The following ACOT7 variants were observed in gnomAD, a reference collection of about 807,000 sequenced individuals.
ACOT7 encodes the protein acyl-CoA thioesterase 7, also known as cytosolic acyl coenzyme A thioester hydrolase.
Under a neutral mutation model 40.2 loss-of-function variants are expected in ACOT7, and 12 were observed. That is an observed-to-expected ratio of 0.30 (90% CI 0.19 to 0.48). ACOT7 has a LOEUF of 0.48. Among genes scored for constraint, ACOT7 ranks in the 20% least tolerant of loss-of-function variants. The pLI is 0.99. For synonymous variants in ACOT7, 228 were observed against 219.5 expected (o/e 1.04, Z -0.34); for missense variants, 395 against 530.8 (o/e 0.74, Z 2.51).
At chr1:6,387,450 C>T (rs140757887) in intron 1 of ACOT7, among the ~76,000 whole-genome samples, 75 of 152,292 alleles carry the variant, frequency 4.9e-4, no homozygotes, top group African/African-American at 1.6e-3. Context: ...TGTTGACTCT[C>T]TGCTGAAGTA....
Position 6,343,543 on chromosome 1 carries a change from G to C in ACOT7, c.262-3954C>G, listed in dbSNP as rs1212780042. On this transcript the variant is annotated intron_variant, in intron 2 of 8. Coordinates refer to ENST00000361521, the MANE Select transcript of ACOT7 (RefSeq NM_007274.4). The stretch of plus-strand genomic sequence containing the variant: ...AGCAAACCCTGCCCTACTCACAACA[G>C]GTCACAGTAAAGCGATGCCTGGAAC... 2.0e-5 allele frequency among the ~76,000 whole-genome samples: 3 copies of C among 152,274 alleles called. No homozygotes were observed. The East Asian group carries it at 5.8e-4, about 29-fold the overall frequency.
rs1381115785 is a variant in ACOT7, at chr1:6,282,756, G to C, written c.830-1470C>G. 7.7e-7 allele frequency: 1 copy of C among 1,304,294 alleles called. No individual in the cohort carries two copies. Among genetic ancestry groups the C allele is most frequent in the Admixed American group, 2.3e-5 (1 of 43,580 alleles). 80.8% of individuals were successfully genotyped at this position (1,304,294 alleles called of 1,614,324 possible). A position where few individuals can be genotyped will look rare whatever the true frequency, so the allele number is the denominator to read the frequency against. Reference sequence around the variant, plus strand: ...ACTTCGTGCCAGTGCTGGGAGAGGAGGAAGGAGCTGTGTGGTCAGCGCCAG... The same window carrying C: ...ACTTCGTGCCAGTGCTGGGAGAGGACGAAGGAGCTGTGTGGTCAGCGCCAG... On this transcript the variant is annotated intron_variant, in intron 7 of 8. Coordinates refer to ENST00000361521, the MANE Select transcript of ACOT7 (RefSeq NM_007274.4). The surrounding 1 kb of genome is among the most constrained non-coding windows in gnomAD (Gnocchi z 4.5).
At chr1:6,280,125 A>G (rs1248236054) in intron 8 of ACOT7, among the ~76,000 whole-genome samples, 1 of 152,184 alleles carries the variant, frequency 6.6e-6, no homozygotes, top group East Asian at 1.9e-4. Flanking sequence ...CTGCCTGGCC[A>G]CTTCCATGAG....
chr1:6,322,232 C>T (rs1453865406), intron 5 of ACOT7, among the ~76,000 whole-genome samples: 1 of 110,108 alleles, frequency 9.1e-6, no homozygotes, highest in East Asian at 3.2e-4. Context: ...CCTCTTGACG[C>T]ATATTCAGGA....
chr1:6,319,287 G>A (rs1352773872), intron 5 of ACOT7, among the ~76,000 whole-genome samples: 1 of 152,162 alleles, frequency 6.6e-6, no homozygotes, highest in African/African-American at 2.4e-5. Context: ...CCGCCTCCTG[G>A]GTCCAAGCAA....
intron 1 of ACOT7, chr1:6,360,770 C>T (rs1641872558): frequency 1.3e-6 from 2 of 1,533,532 alleles, no homozygotes; most frequent in South Asian, 2.4e-5. Flanking sequence ...TCCAGGCGGG[C>T]ATTGCTGCCT....
chr1:6,348,352 G>GCACA (rs1000322091), intron 2 of ACOT7, among the ~76,000 whole-genome samples: 1 of 148,720 alleles, frequency 6.7e-6, no homozygotes, highest in Non-Finnish European at 1.5e-5. Flanking sequence ...ACACACACAC[G>GCACA]CACACACACA....
chr1:6,339,587 C>A lies in ACOT7; in HGVS notation c.264G>T (p.Glu88Asp). The stretch of plus-strand genomic sequence containing the variant: ...CACGAGCCAGGGCGGCCACACAGCG[C>A]TCCTGTGGAGACAGAGGCAGTTGTC... ...STRHCNSQNG[E>D]RCVAALARVE... Residue 88 changes from glutamate (E) to aspartate (D), a missense_variant and splice_region_variant, in exon 3 of 9, where the codon GAG (glutamate) becomes GAT (aspartate). Glu to Asp is a conservative substitution (Grantham distance 45). Around this residue, in one of 2 missense-constraint regions of ACOT7, gnomAD observed 309 missense variants for 470.3 expected, o/e 0.66. Transcript: ENST00000361521. The A allele has an allele frequency of 1.9e-6, 3 of 1,612,742 alleles. No homozygotes were observed. Among genetic ancestry groups the A allele is most frequent in the Non-Finnish European group, 2.5e-6 (3 of 1,179,470 alleles).
chr1:6,276,635 A>T (rs1188093812), intron 8 of ACOT7, among the ~76,000 whole-genome samples: 1 of 152,068 alleles, frequency 6.6e-6, no homozygotes, highest in African/African-American at 2.4e-5. Flanking sequence ...GCCAGGGCAC[A>T]TCTGGAGGGA....
rs1235809351 is a variant in ACOT7, at chr1:6,330,410, TA to T, written c.511-2998del. On this transcript the variant is annotated intron_variant, in intron 4 of 8. Transcript: ENST00000361521. The surrounding 1 kb of genome is among the most constrained non-coding windows in gnomAD (Gnocchi z 4.6). ...GTGGGAGGTTTATACTACGTGGGCC[TA>T]GCGTGTGTTGGGGGGAAGATGGTGC... Among the ~76,000 whole-genome samples, 3 of 152,178 alleles carry T rather than the reference TA, an allele frequency of 2.0e-5. No homozygotes were observed. The highest frequency in any genetic ancestry group is 4.4e-5 in the Non-Finnish European group (3 of 68,034).
chr1:6,306,823 C>T lies in ACOT7; in HGVS notation c.712+11669G>A, dbSNP rs547948463. 29 of 1,288,940 alleles carry T rather than the reference C, an allele frequency of 2.2e-5. No individual in the cohort carries two copies. The highest frequency in any genetic ancestry group is 5.5e-5 in the East Asian group (1 of 18,034). The allele number at this position is 1,288,940 out of a possible 1,614,324, so 79.8% of individuals were successfully genotyped here. On this transcript the variant is annotated intron_variant, in intron 6 of 8. Coordinates refer to ENST00000361521, the MANE Select transcript of ACOT7 (RefSeq NM_007274.4). The surrounding 1 kb of genome is among the most constrained non-coding windows in gnomAD (Gnocchi z 4.3). ...TGGGGGCTCCGGCCAAACAAGGTCA[C>T]GGAATTGGAAAAGAGTAACTGTGCC...
At chr1:6,364,965 G>A (rs1035314456) in intron 1 of ACOT7, among the ~76,000 whole-genome samples, 1 of 151,854 alleles carries the variant, frequency 6.6e-6, no homozygotes, top group Non-Finnish European at 1.5e-5. Flanking sequence ...AGAGGTTGCA[G>A]TGAGCTGAGA....
In ACOT7 at chr1:6,376,588, G is replaced by T. The variant is rs566998771; in HGVS notation, c.143+16669C>A. Among the ~76,000 whole-genome samples, 29 of 152,090 alleles carry T rather than the reference G, an allele frequency of 1.9e-4. No individual in the cohort carries two copies. The South Asian group carries it at 2.7e-3, about 14-fold the overall frequency. Reference sequence around the variant, plus strand: ...CAAAAAATACAAAAATTAGCATGGCGTGGTGCCATGTGCCTATAATCCCAG... The same window carrying T: ...CAAAAAATACAAAAATTAGCATGGCTTGGTGCCATGTGCCTATAATCCCAG... On this transcript the variant is annotated intron_variant, in intron 1 of 8. Transcript: ENST00000361521.
intron 4 of ACOT7, among the ~76,000 whole-genome samples, chr1:6,332,140 AC>A (rs1353599871): frequency 3.3e-5 from 5 of 152,244 alleles, no homozygotes; most frequent in Non-Finnish European, 7.3e-5. Flanking sequence ...CCAATTCCTG[AC>A]AATCTGGTTC....
In ACOT7 at chr1:6,293,015, G is replaced by A. The variant is rs368939646; in HGVS notation, c.829+1849C>T. Among the ~76,000 whole-genome samples, 100 of 148,336 alleles carry A rather than the reference G, an allele frequency of 6.7e-4. 1 individual carries two copies. The highest frequency in any genetic ancestry group is 1.1e-3 in the African/African-American group (44 of 39,962). On this transcript the variant is annotated intron_variant, in intron 7 of 8. Coordinates refer to ENST00000361521, the MANE Select transcript of ACOT7 (RefSeq NM_007274.4). The stretch of plus-strand genomic sequence containing the variant: ...CGCCATTCTCCTACCTCAGCCTCCC[G>A]AGTAGCTGGGACTACAGGCACCCGC...
At chr1:6,340,006 C>T (rs1334916477) in intron 2 of ACOT7, among the ~76,000 whole-genome samples, 2 of 150,734 alleles carry the variant, frequency 1.3e-5, no homozygotes, top group Non-Finnish European at 2.9e-5. Flanking sequence ...CGCTCTGTCA[C>T]CCAGGCTGGA....
In ACOT7 at chr1:6,294,733, C is replaced by A; in HGVS notation, c.829+131G>T. On this transcript the variant is annotated intron_variant, in intron 7 of 8. Transcript: ENST00000361521. The surrounding 1 kb of genome is among the most constrained non-coding windows in gnomAD (Gnocchi z 4.6). ...GGACAAAGAAAGAAACCTCAGCTTCCTGTTCCCTGTGGCAGATGGGCACAC... is the reference window on the plus strand; with the variant it reads ...GGACAAAGAAAGAAACCTCAGCTTCATGTTCCCTGTGGCAGATGGGCACAC... 1.5e-6 allele frequency: 1 copy of A among 675,748 alleles called. No homozygotes were observed. The highest frequency in any genetic ancestry group is 2.6e-5 in the East Asian group (1 of 39,166). The allele number at this position is 675,748 out of a possible 1,614,324, so 41.9% of individuals were successfully genotyped here.
rs535094948 is a variant in ACOT7 at position 6,372,020 on chromosome 1, G to A, written c.143+21237C>T. 4.8e-3 allele frequency among the ~76,000 whole-genome samples: 733 copies of A among 151,838 alleles called. 4 individuals are homozygous for A. Among genetic ancestry groups the A allele is most frequent in the Middle Eastern group, 0.014 (4 of 294 alleles). On this transcript the variant is annotated intron_variant, in intron 1 of 8. Transcript: ENST00000361521. ...AGATTGCACCACTGCACTCCACCCT[G>A]GGCGACAGAGCAAAACTCTGTGTCA... is the stretch of plus-strand genomic sequence containing the variant.
intron 8 of ACOT7, among the ~76,000 whole-genome samples, chr1:6,276,996 C>CCT (rs879479586): frequency 6.6e-6 from 1 of 152,078 alleles, no homozygotes; most frequent in Admixed American, 6.5e-5. Context: ...GACCACCCCC[C>CCT]CCCAGGGTAT....
Sources: allele counts gnomAD v4.1 joint callset (sites outside exome capture counted in the v4.1 genomes callset), GRCh38; gene constraint gnomAD v4.1.1; regional missense constraint gnomAD v4.1.1; non-coding constraint Gnocchi (gnomAD v3.1); transcripts MANE v1.5; gene names NCBI Gene and HGNC (gene_info 2026-07-23, HGNC 2026-07-21).